Variants in FER observed in about 807,000 individuals in gnomAD.
The protein encoded by FER is FER tyrosine kinase, also known as tyrosine-protein kinase Fer.
A neutral mutation model predicts 111.0 loss-of-function variants in FER; 63 were observed. The ratio of observed to expected loss-of-function variants is 0.57; its 90% CI spans 0.46 to 0.70. FER has a LOEUF of 0.70. Ranked by LOEUF, FER falls within the 30% of genes least tolerant of loss-of-function variation. The probability of loss-of-function intolerance (pLI) is 0.00; values close to 1 mark genes in which losing one functional copy is unlikely to be tolerated. For missense variants in FER, 914 were observed against 954.0 expected (o/e 0.96, Z 0.55); for synonymous variants, 327 against 313.9 (o/e 1.04, Z -0.44).
At chr5:109,179,116 A>G (rs1448284121) in intron 17 of FER, among the ~76,000 whole-genome samples, 1 of 152,156 alleles carries the variant, frequency 6.6e-6, no homozygotes, top group Non-Finnish European at 1.5e-5. Context: ...AGTTCTTGTT[A>G]TAAACATTCC....
At chr5:109,090,644 A>G (rs1255504631) in intron 16 of FER, among the ~76,000 whole-genome samples, 2 of 152,212 alleles carry the variant, frequency 1.3e-5, no homozygotes, top group Non-Finnish European at 2.9e-5. Flanking sequence ...GAGGGAAACT[A>G]TAAAAAAGAA....
At position 108,798,145 on chromosome 5, in the gene FER, C is replaced by T. The variant is rs779002488; in HGVS notation, c.-38C>T. 21 of 1,507,268 alleles carry T rather than the reference C, an allele frequency of 1.4e-5. No homozygotes were observed. Among genetic ancestry groups the T allele is most frequent in the Non-Finnish European group, 1.9e-5 (21 of 1,084,758 alleles). 93.4% of individuals were successfully genotyped at this position (1,507,268 alleles called of 1,614,324 possible). A position where few individuals can be genotyped will look rare whatever the true frequency, so the allele number is the denominator to read the frequency against. On this transcript the variant is annotated 5_prime_UTR_variant, in exon 3 of 20. Coordinates refer to ENST00000281092, the MANE Select transcript of FER (RefSeq NM_005246.4). Reference sequence around the variant, plus strand: ...ACAGATATGTGCTGATTAGAAGGCTCACTTGTGCAGTGTGGAGGATAACCA... The same window carrying T: ...ACAGATATGTGCTGATTAGAAGGCTTACTTGTGCAGTGTGGAGGATAACCA...
chr5:109,132,017 ATAAATGTACC>A (rs1240986298), intron 17 of FER, among the ~76,000 whole-genome samples: 1 of 152,214 alleles, frequency 6.6e-6, no homozygotes, highest in African/African-American at 2.4e-5. Context: ...ATTATATGAG[ATAAATGTACC>A]TAAAGTATGT....
At chr5:108,848,452 C>G (rs72791991) in intron 5 of FER, among the ~76,000 whole-genome samples, 2 of 152,030 alleles carry the variant, frequency 1.3e-5, no homozygotes, top group Non-Finnish European at 2.9e-5. Context: ...TCTGAAGATT[C>G]TTATCTCTTC....
intron 3 of FER, among the ~76,000 whole-genome samples, chr5:108,826,379 G>C (rs913051520): frequency 6.6e-6 from 1 of 152,054 alleles, no homozygotes; most frequent in Non-Finnish European, 1.5e-5. Context: ...GTGTTCATTA[G>C]GGATATTGGC....
chr5:109,110,707 G>C (rs1160782554), intron 17 of FER, among the ~76,000 whole-genome samples: 1 of 151,950 alleles, frequency 6.6e-6, no homozygotes, highest in Non-Finnish European at 1.5e-5. Flanking sequence ...GTGCAGGTTT[G>C]TTACATATGT....
Position 108,936,979 on chromosome 5 carries a change from C to T in FER, c.1237-9151C>T, listed in dbSNP as rs189155095. On this transcript the variant is annotated intron_variant, in intron 10 of 19. Coordinates refer to ENST00000281092, the MANE Select transcript of FER (RefSeq NM_005246.4). ...AAATCAGTCTGAGTTAAAAAGATTA[C>T]CTATAATTGGAATGACTTGGGTTAA... Among the ~76,000 whole-genome samples the T allele has an allele frequency of 3.7e-3, 558 of 151,916 alleles. 1 individual carries two copies. The highest frequency in any genetic ancestry group is 0.013 in the African/African-American group (523 of 41,486).
At chr5:108,994,322 C>G in intron 13 of FER, among the ~76,000 whole-genome samples, 1 of 152,096 alleles carries the variant, frequency 6.6e-6, no homozygotes, top group Non-Finnish European at 1.5e-5. Flanking sequence ...CCAATTTTCT[C>G]CATATGGCTA....
At chr5:108,863,243 C>A (rs1271035029) in intron 5 of FER, among the ~76,000 whole-genome samples, 1 of 152,092 alleles carries the variant, frequency 6.6e-6, no homozygotes, top group Non-Finnish European at 1.5e-5. Flanking sequence ...CCTCAGCCTC[C>A]CGATTGGCTG....
intron 13 of FER, among the ~76,000 whole-genome samples, chr5:109,012,410 A>T (rs1021456446): frequency 1.3e-5 from 2 of 152,224 alleles, no homozygotes; most frequent in Non-Finnish European, 2.9e-5. Context: ...TGTCACAATT[A>T]AAGTTTTATG....
intron 10 of FER, among the ~76,000 whole-genome samples, chr5:108,934,380 C>T (rs1359322795): frequency 1.3e-5 from 2 of 152,206 alleles, no homozygotes; most frequent in Non-Finnish European, 2.9e-5. Flanking sequence ...AAGACCATTT[C>T]ATTATATGAC....
intron 11 of FER, among the ~76,000 whole-genome samples, chr5:108,951,545 A>G (rs1310652435): frequency 6.6e-6 from 1 of 152,204 alleles, no homozygotes; most frequent in Non-Finnish European, 1.5e-5. Flanking sequence ...ATAACTTATT[A>G]ATTAGACTAT....
At chr5:108,965,838 C>T (rs552467637) in intron 13 of FER, among the ~76,000 whole-genome samples, 3 of 152,116 alleles carry the variant, frequency 2.0e-5, no homozygotes, top group Admixed American at 6.5e-5. Context: ...AGACTATAAG[C>T]GTGTTGTGCT....
chr5:108,763,653 C>G (rs1489522504), intron 1 of FER, among the ~76,000 whole-genome samples: 1 of 152,146 alleles, frequency 6.6e-6, no homozygotes, highest in Admixed American at 6.5e-5. Flanking sequence ...TTGGAGTTTT[C>G]TATCTTTAGG....
At chr5:108,759,184 T>G (rs962305533) in intron 1 of FER, among the ~76,000 whole-genome samples, 1 of 152,224 alleles carries the variant, frequency 6.6e-6, no homozygotes, top group East Asian at 1.9e-4. Flanking sequence ...AAACCCTTAA[T>G]TGATATCCTA....
At chr5:109,029,413 C>G (rs1217565130) in intron 13 of FER, among the ~76,000 whole-genome samples, 3 of 96,604 alleles carry the variant, frequency 3.1e-5, no homozygotes, top group South Asian at 7.4e-4. Flanking sequence ...TCTTTATTTT[C>G]TATTCATTGT....
intron 8 of FER, among the ~76,000 whole-genome samples, chr5:108,872,527 G>T (rs1351164461): frequency 6.6e-6 from 1 of 151,856 alleles, no homozygotes; most frequent in Non-Finnish European, 1.5e-5. Context: ...CAATTTATTG[G>T]AAGAACCATT....
intron 1 of FER, among the ~76,000 whole-genome samples, chr5:108,765,850 T>C (rs919081292): frequency 2.6e-5 from 4 of 152,164 alleles, no homozygotes; most frequent in African/African-American, 4.8e-5. Context: ...GCTGTATGAG[T>C]AATACTGTTT....
At chr5:108,944,110 C>T (rs1225840845) in intron 10 of FER, among the ~76,000 whole-genome samples, 1 of 104,914 alleles carries the variant, frequency 9.5e-6, no homozygotes, top group African/African-American at 3.4e-5. Context: ...TGTATGTGTA[C>T]ACACACACAC....
Sources: gnomAD v4.1 joint callset for allele counts (sites outside exome capture counted in the v4.1 genomes callset) on GRCh38, gnomAD v4.1.1 for gene constraint, MANE v1.5 for transcripts, NCBI Gene and HGNC (gene_info 2026-07-23, HGNC 2026-07-21) for gene names.